The following MEN1 variants were observed in gnomAD, a reference collection of about 807,000 sequenced individuals.
MEN1 encodes the protein menin 1.
Under a neutral mutation model 58.0 loss-of-function variants are expected in MEN1, and 6 were observed. The observed-to-expected ratio is 0.10, with a 90% CI of 0.06 to 0.20. The LOEUF is 0.20. Ranked by LOEUF, MEN1 falls within the 10% of genes least tolerant of loss-of-function variation. The pLI, the probability that MEN1 is intolerant of heterozygous loss-of-function variation, is 1.00. For missense variants in MEN1, 492 were observed against 818.5 expected (o/e 0.60, Z 4.87); for synonymous variants, 346 against 350.7 (o/e 0.99, Z 0.15).
rs375872988 is a variant in MEN1, at chr11:64,807,511, T to C, written c.783+41A>G. On this transcript the variant is annotated intron_variant, in intron 4 of 9. Transcript: ENST00000450708. This position sits in a 1 kb window ranked among gnomAD's most constrained non-coding sequence, Gnocchi z 4.9. Reference sequence around the variant, plus strand: ...GCCCAGGGTCCCACAGCAAGTCAAGTCTGGCCTAGCCCAGTCCTGCCCCAT... The same window carrying C: ...GCCCAGGGTCCCACAGCAAGTCAAGCCTGGCCTAGCCCAGTCCTGCCCCAT... The C allele has an allele frequency of 6.2e-7, 1 of 1,611,436 alleles. No individual in the cohort carries two copies. Among genetic ancestry groups the C allele is most frequent in the South Asian group, 1.1e-5 (1 of 90,932 alleles).
upstream of MEN1, chr11:64,811,160 G>C (rs1942082873): frequency 6.6e-6 from 1 of 151,518 alleles, no homozygotes; most frequent in South Asian, 2.1e-4. Context: ...GCAGTGGCTC[G>C]ATCTGGGCTC....
rs773013383 is a variant in MEN1 at position 64,804,364 on chromosome 11, A to G, written c.1803T>C (p.Ser601=). Residue 601 remains serine, a synonymous_variant, in exon 10 of 10, where the codon TCT becomes TCC. Transcript: ENST00000450708. This position sits in a 1 kb window ranked among gnomAD's most constrained non-coding sequence, Gnocchi z 4.2. ...GGCCTTTGCGCTGCCGCTTGAGGAAAGACAGAGTGTAGTCACTAGGGGTGG... is the reference window on the plus strand; with the variant it reads ...GGCCTTTGCGCTGCCGCTTGAGGAAGGACAGAGTGTAGTCACTAGGGGTGG... ...KVSTPSDYTL[S]FLKRQRKGL The G allele has an allele frequency of 6.2e-7, 1 of 1,614,196 alleles. No individual in the cohort carries two copies. The highest frequency in any genetic ancestry group is 8.5e-7 in the Non-Finnish European group (1 of 1,180,030).
rs794728615 is a variant in MEN1, at chr11:64,810,025, G to C, written c.85C>G (p.Arg29Gly). 1.2e-6 allele frequency: 2 copies of C among 1,608,624 alleles called. No homozygotes were observed. Among genetic ancestry groups the C allele is most frequent in the Non-Finnish European group, 1.7e-6 (2 of 1,177,608 alleles). ...VVRLFAAELGREEPDLVLLSL... is the reference protein window; with the variant it reads ...VVRLFAAELGGEEPDLVLLSL... ...AGGAGCACCAGGTCCGGCTCCTCTCGGCCCAGCTCGGCAGCAAACAGGCGC... is the reference window on the plus strand; with the variant it reads ...AGGAGCACCAGGTCCGGCTCCTCTCCGCCCAGCTCGGCAGCAAACAGGCGC... The change falls in exon 2 of 10, where the codon CGA (arginine) becomes GGA (glycine). Residue 29 changes from arginine to glycine, a missense_variant. This residue lies in a region of MEN1 where 335 missense variants were observed against 550.3 expected (regional missense o/e 0.61). Coordinates refer to ENST00000450708, the MANE Select transcript of MEN1 (RefSeq NM_001370259.2).
At position 64,807,814 on chromosome 11, in the gene MEN1, C is replaced by T. The variant is rs1941840861; in HGVS notation, c.654+77G>A. On this transcript the variant is annotated intron_variant, in intron 3 of 9. Transcript: ENST00000450708. This position sits in a 1 kb window ranked among gnomAD's most constrained non-coding sequence, Gnocchi z 4.9. Reference sequence around the variant, plus strand: ...GGTGATGGGAAGAAAGGGGTGTGGCCCAAGAAAATGGAGTCCCTTGGGTGG... The same window carrying T: ...GGTGATGGGAAGAAAGGGGTGTGGCTCAAGAAAATGGAGTCCCTTGGGTGG... 1 of 1,606,878 alleles carries T rather than the reference C, an allele frequency of 6.2e-7. No homozygotes were observed. The highest frequency in any genetic ancestry group is 8.5e-7 in the Non-Finnish European group (1 of 1,174,424).
intron 1 of MEN1, 109 bp from the exon 2 acceptor site, chr11:64,810,241 TC>T: frequency 1.5e-6 from 1 of 685,726 alleles, no homozygotes; most frequent in Non-Finnish European, 2.4e-6. Context: ...CTCCCCTGCT[TC>T]CCCACCCTCT....
chr11:64,805,861 G>C, intron 7 of MEN1, 91 bp from the exon 8 acceptor site: 1 of 1,322,696 alleles, frequency 7.6e-7, no homozygotes, highest in Non-Finnish European at 1.1e-6. Flanking sequence ...AGCCCCCAGG[G>C]GCTGGGGGAG....
At position 64,807,505 on chromosome 11, in the gene MEN1, G is replaced by T. The variant is rs755679256; in HGVS notation, c.783+47C>A. The T allele has an allele frequency of 6.2e-7, 1 of 1,608,986 alleles. No homozygotes were observed. The highest frequency in any genetic ancestry group is 1.1e-5 in the South Asian group (1 of 90,844). ...GCCCCTGCCCAGGGTCCCACAGCAA[G>T]TCAAGTCTGGCCTAGCCCAGTCCTG... On this transcript the variant is annotated intron_variant, in intron 4 of 9. Coordinates refer to ENST00000450708, the MANE Select transcript of MEN1 (RefSeq NM_001370259.2). This position sits in a 1 kb window ranked among gnomAD's most constrained non-coding sequence, Gnocchi z 4.9.
At chr11:64,806,947 A>G in intron 6 of MEN1, 64 bp downstream of exon 6, 3 of 1,462,228 alleles carry the variant, frequency 2.1e-6, no homozygotes, top group Non-Finnish European at 1.9e-6. Flanking sequence ...ATCTGCCCAG[A>G]TGAGGGCCCC....
Position 64,807,651 on chromosome 11 carries a change from C to T in MEN1, c.684G>A (p.Met228Ile), listed in dbSNP as rs1213933028. The T allele has an allele frequency of 1.2e-6, 2 of 1,614,136 alleles. No homozygotes were observed. Among genetic ancestry groups the T allele is most frequent in the Non-Finnish European group, 1.7e-6 (2 of 1,180,038 alleles). ...CCACCTCCATCTTGCGGTCACAGCG[C>T]ATGTATGATCCTTTCAGGTACAGCC... ...RSWLYLKGSY[M>I]RCDRKMEVAF... Residue 228 changes from methionine to isoleucine, a missense_variant, in exon 4 of 10, where the codon ATG (methionine) becomes ATA (isoleucine). Around this residue, in one of 5 missense-constraint regions of MEN1, gnomAD observed 335 missense variants for 550.3 expected, o/e 0.61. Transcript: ENST00000450708. The surrounding 1 kb of genome is among the most constrained non-coding windows in gnomAD (Gnocchi z 4.9).
rs760442763 is a variant in MEN1 at position 64,809,828 on chromosome 11, G to T, written c.282C>A (p.Thr94=). Reference sequence around the variant, plus strand: ...GGTCGACGGCGCCTCGGATCTGGGCGGTGAAGCGGGCATAGAGGGCGGCGA... The same window carrying T: ...GGTCGACGGCGCCTCGGATCTGGGCTGTGAAGCGGGCATAGAGGGCGGCGA... ...SIIAALYARF[T]AQIRGAVDLS... The change falls in exon 2 of 10, where the codon ACC becomes ACA. Residue 94 remains threonine (T), a synonymous_variant. Transcript: ENST00000450708. 1 of 1,613,708 alleles carries T rather than the reference G, an allele frequency of 6.2e-7. No individual in the cohort carries two copies. Among genetic ancestry groups the T allele is most frequent in the Non-Finnish European group, 8.5e-7 (1 of 1,179,808 alleles).
intron 6 of MEN1, 93 bp downstream of exon 6, chr11:64,806,918 C>A (rs1941767739): frequency 8.8e-7 from 1 of 1,137,320 alleles, no homozygotes; most frequent in South Asian, 1.3e-5. Context: ...TACCCCCCAA[C>A]ACACAAAGTT....
Position 64,809,679 on chromosome 11 carries a change from A to T in MEN1, c.431T>A (p.Phe144Tyr), listed in dbSNP as rs2136178004. 1 of 1,614,126 alleles carries T rather than the reference A, an allele frequency of 6.2e-7. No individual in the cohort carries two copies. The highest frequency in any genetic ancestry group is 8.5e-7 in the Non-Finnish European group (1 of 1,179,980). The change falls in exon 2 of 10, where the codon TTC becomes TAC. Residue 144 changes from phenylalanine to tyrosine, a missense_variant. Physicochemically the swap from Phe to Tyr is conservative, Grantham distance 22 (BLOSUM62 3). Around this residue, in one of 5 missense-constraint regions of MEN1, gnomAD observed 335 missense variants for 550.3 expected, o/e 0.61. Coordinates refer to ENST00000450708, the MANE Select transcript of MEN1 (RefSeq NM_001370259.2). ...TGGGCTCCAACCTGTGATGAAGCTG[A>T]AGAGGGACTGGATGTGGGCCCGATC... is the stretch of plus-strand genomic sequence containing the variant. The part of the protein sequence containing the change: ...FKDRAHIQSL[F>Y]SFITGTKLDS...
intron 1 of MEN1, 100 bp downstream of exon 1, chr11:64,810,414 A>C: frequency 2.3e-6 from 1 of 442,432 alleles, no homozygotes; most frequent in East Asian, 4.0e-5. Flanking sequence ...CCCCCTCTCT[A>C]CGACTGTGCC....
In MEN1 at chr11:64,807,699, C is replaced by T. The variant is rs896141668; in HGVS notation, c.655-19G>A. 13 of 1,614,010 alleles carry T rather than the reference C, an allele frequency of 8.1e-6. No individual in the cohort carries two copies. The highest frequency in any genetic ancestry group is 1.3e-5 in the African/African-American group (1 of 75,020). ...GCCAGCTCTTAGGGGGGGATGAGAT[C>T]ATTATGTCTCATGATGGCCCACCCT... On this transcript the variant is annotated intron_variant, in intron 3 of 9. Coordinates refer to ENST00000450708, the MANE Select transcript of MEN1 (RefSeq NM_001370259.2). The surrounding 1 kb of genome is among the most constrained non-coding windows in gnomAD (Gnocchi z 4.9).
At chr11:64,810,805 C>T (rs960727263), upstream of MEN1, 2 of 152,148 alleles carry the variant, frequency 1.3e-5, no homozygotes, top group Non-Finnish European at 2.9e-5. Context: ...AAATGTAGTC[C>T]GGGGGCACTA....
intron 7 of MEN1, 154 bp from the exon 8 acceptor site, chr11:64,805,924 A>G: frequency 1.2e-6 from 1 of 809,416 alleles, no homozygotes; most frequent in Non-Finnish European, 2.1e-6. Context: ...CCAGAGGAAG[A>G]AAGCAAGAAT....
In MEN1 at chr11:64,810,501, C is replaced by T. The variant is rs1942057869; in HGVS notation, c.-24+13G>A. The T allele has an allele frequency of 1.5e-5, 3 of 203,472 alleles. No individual in the cohort carries two copies. The highest frequency in any genetic ancestry group is 9.5e-5 in the East Asian group (1 of 10,492). 12.6% of individuals were successfully genotyped at this position (203,472 alleles called of 1,614,324 possible). On this transcript the variant is annotated intron_variant, in intron 1 of 9. Transcript: ENST00000450708. ...CCCCAAGGAGAGTCCTGGCCTCGGT[C>T]CCCCTCGCCCACCTCCGCGCTTACA...
Position 64,806,415 on chromosome 11 carries a change from G to A in MEN1, c.913-47C>T, listed in dbSNP as rs762689222. 3.7e-6 allele frequency: 6 copies of A among 1,612,842 alleles called. 1 individual carries two copies. Among genetic ancestry groups the A allele is most frequent in the South Asian group, 1.1e-5 (1 of 90,994 alleles). On this transcript the variant is annotated intron_variant, in intron 6 of 9. Coordinates refer to ENST00000450708, the MANE Select transcript of MEN1 (RefSeq NM_001370259.2). ...GATCCTCAGGGAGGCAGCCCCAGCT[G>A]CCCTGCTGGCACAAATGCCCCACCA...
rs1388463928 is a variant in MEN1 at position 64,805,018 on chromosome 11, T to C, written c.1350+16A>G. The C allele has an allele frequency of 6.2e-7, 1 of 1,612,944 alleles. No individual in the cohort carries two copies. The highest frequency in any genetic ancestry group is 1.1e-5 in the South Asian group (1 of 91,084). Reference sequence around the variant, plus strand: ...ACCACCTGTAGTGCCCAGACCTCTGTGCAGCTGTCCCTCACCTGTCCCTCA... The same window carrying C: ...ACCACCTGTAGTGCCCAGACCTCTGCGCAGCTGTCCCTCACCTGTCCCTCA... On this transcript the variant is annotated intron_variant, in intron 9 of 9. Transcript: ENST00000450708.
Sources: gnomAD v4.1 joint callset for allele counts on GRCh38, gnomAD v4.1.1 for gene constraint, gnomAD v4.1.1 regional missense constraint, Gnocchi (gnomAD v3.1) non-coding constraint, MANE v1.5 for transcripts, NCBI Gene and HGNC (gene_info 2026-07-23, HGNC 2026-07-21) for gene names.